DMAC2L: variants seen among roughly 807,000 people sequenced by gnomAD.
The protein encoded by DMAC2L is distal membrane arm assembly component 2 like.
Under a neutral mutation model 22.5 loss-of-function variants are expected in DMAC2L, and 21 were observed. The observed-to-expected ratio is 0.93, with a 90% confidence interval of 0.66 to 1.34. The LOEUF is 1.34. Among genes scored for constraint, DMAC2L ranks in the 40% most tolerant of loss-of-function variants. DMAC2L has a pLI of 0.00. For missense variants in DMAC2L, 239 were observed against 246.5 expected, an observed-to-expected ratio of 0.97 and a Z score of 0.20; for synonymous variants, 86 against 89.5, an observed-to-expected ratio of 0.96 and a Z score of 0.22.
upstream of DMAC2L, chr14:50,311,987 C>G: frequency 3.2e-6 from 5 of 1,549,552 alleles, no homozygotes; most frequent in Non-Finnish European, 4.3e-6. Flanking sequence ...GCGCAGGCGG[C>G]GGGGAGGACC....
intron 2 of DMAC2L, among the ~76,000 whole-genome samples, chr14:50,317,643 G>A (rs1317153698): frequency 4.6e-5 from 7 of 152,068 alleles, no homozygotes; most frequent in African/African-American, 1.2e-4. Flanking sequence ...GGTGGTGGGC[G>A]CCTGTAATCC....
At chr14:50,313,847 A>T (rs1018270132) in intron 1 of DMAC2L, among the ~76,000 whole-genome samples, 1 of 152,226 alleles carries the variant, frequency 6.6e-6, no homozygotes, top group South Asian at 2.1e-4. Flanking sequence ...GTCCATCACC[A>T]CAAGGGTCCC....
intron 1 of DMAC2L, 157 bp downstream of exon 1, chr14:50,312,546 A>G: frequency 6.6e-6 from 2 of 301,418 alleles, no homozygotes; most frequent in Admixed American, 4.9e-5. Context: ...CGTGGGAGAA[A>G]CTCTGGGCGG....
intron 2 of DMAC2L, among the ~76,000 whole-genome samples, chr14:50,320,885 C>G (rs765912990): frequency 1.1e-4 from 17 of 152,304 alleles, no homozygotes; most frequent in Non-Finnish European, 2.1e-4. Context: ...ATTTTGACAG[C>G]TGGAAATTAA....
chr14:50,316,467 C>T (rs575536552), intron 2 of DMAC2L, among the ~76,000 whole-genome samples: 6 of 152,284 alleles, frequency 3.9e-5, no homozygotes, highest in African/African-American at 1.4e-4. Flanking sequence ...AAACCCTTGC[C>T]TAAGCCAATG....
chr14:50,322,424 G>A, intron 3 of DMAC2L, 87 bp from the exon 4 acceptor site: 2 of 1,312,110 alleles, frequency 1.5e-6, no homozygotes, highest in Non-Finnish European at 2.0e-6. Context: ...AAAATTTGTT[G>A]CGTTCTGTAT....
intron 5 of DMAC2L, chr14:50,324,401 T>C (rs2032538805): frequency 5.2e-6 from 1 of 194,140 alleles, no homozygotes; most frequent in Admixed American, 6.0e-5. Flanking sequence ...TCAACGATTA[T>C]GCTTTCTCTC....
upstream of DMAC2L, chr14:50,312,039 A>G (rs1248154757): frequency 1.3e-6 from 2 of 1,582,752 alleles, no homozygotes; most frequent in Non-Finnish European, 1.7e-6. Context: ...CTACCTCCAC[A>G]CAGCGGTCTT....
intron 4 of DMAC2L, 80 bp from the exon 5 acceptor site, chr14:50,323,865 C>T (rs1172821657): frequency 7.9e-7 from 1 of 1,265,918 alleles, no homozygotes; most frequent in Non-Finnish European, 1.1e-6. Context: ...GTCCTAAAAC[C>T]AAGTCAGTCG....
chr14:50,312,412 G>T (rs372391809), intron 1 of DMAC2L, 23 bp downstream of exon 1: 1 of 531,918 alleles, frequency 1.9e-6, no homozygotes, highest in Non-Finnish European at 3.4e-6. Flanking sequence ...GCTAGGCCCC[G>T]AGCCGGGCGG....
chr14:50,324,395 C>A, intron 5 of DMAC2L: 2 of 189,850 alleles, frequency 1.1e-5, no homozygotes, highest in Non-Finnish European at 2.1e-5. Context: ...TAAGCATCAA[C>A]GATTATGCTT....
At position 50,325,612 on chromosome 14, in the gene DMAC2L, C is replaced by A; in HGVS notation, c.492C>A (p.Asn164Lys). ...KGIIALRHLR[N>K]LKYLLLSDLP... ...TGACTTTTTTCTTTATTTGCAGAAA[C>A]CTCAAATATTTGTTGTTAAGTGATC... The change falls in exon 6 of 6, where the codon AAC becomes AAA. Residue 164 changes from asparagine to lysine, a missense_variant. Asn to Lys is a moderately conservative substitution (Grantham distance 94). Transcript: ENST00000557421. 1 of 1,603,260 alleles carries A rather than the reference C, an allele frequency of 6.2e-7. No individual in the cohort carries two copies. The highest frequency in any genetic ancestry group is 8.5e-7 in the Non-Finnish European group (1 of 1,174,714).
At chr14:50,322,828 C>A in intron 4 of DMAC2L, 109 bp downstream of exon 4, 1 of 1,540,158 alleles carries the variant, frequency 6.5e-7, no homozygotes, top group South Asian at 1.2e-5. Flanking sequence ...TTGCCCATTT[C>A]ATTATAGTCA....
chr14:50,323,390 C>CTTTTT (rs10609243), intron 4 of DMAC2L, among the ~76,000 whole-genome samples: 1 of 93,330 alleles, frequency 1.1e-5, no homozygotes, highest in African/African-American at 4.3e-5. Flanking sequence ...CACCCGGCCT[C>CTTTTT]TTTTTTTTTT....
In DMAC2L at chr14:50,321,597, A is replaced by C; in HGVS notation, c.107+3A>C. On this transcript the variant is annotated splice_donor_region_variant and intron_variant, in intron 3 of 5. Coordinates refer to ENST00000557421, the MANE Select transcript of DMAC2L (RefSeq NM_001382507.1). ...TGGTTGAATGCAGTGTTTAATAAGT[A>C]AGTTACTCTAAATAAAGTGAAGAAA... 6.3e-7 allele frequency: 1 copy of C among 1,597,144 alleles called. No homozygotes were observed. Among genetic ancestry groups the C allele is most frequent in the Non-Finnish European group, 8.6e-7 (1 of 1,164,922 alleles).
chr14:50,321,299 AT>A (rs36121692), intron 2 of DMAC2L, 183 bp from the exon 3 acceptor site: 7 of 1,226,128 alleles, frequency 5.7e-6, no homozygotes, highest in African/African-American at 3.1e-5. Context: ...CCAACCCCTC[AT>A]TTTTTTGCAG....
intron 2 of DMAC2L, 21 bp from the exon 3 acceptor site, chr14:50,321,462 A>G: frequency 3.7e-6 from 6 of 1,613,154 alleles, no homozygotes; most frequent in Non-Finnish European, 4.2e-6. Context: ...ATCTAATGTA[A>G]GTACTGTTTT....
Position 50,323,940 on chromosome 14 carries a change from C to T in DMAC2L, c.317-5C>T. The T allele has an allele frequency of 6.3e-7, 1 of 1,595,934 alleles. No individual in the cohort carries two copies. Among genetic ancestry groups the T allele is most frequent in the African/African-American group, 1.4e-5 (1 of 73,894 alleles). On this transcript the variant is annotated splice_region_variant and splice_polypyrimidine_tract_variant and intron_variant, in intron 4 of 5. Transcript: ENST00000557421. ...AGATTCTTAATCTGTACTTTTTCTC[C>T]CCAGAGGGCCTAGAGCATGTTGAAA... is the stretch of plus-strand genomic sequence containing the variant.
At chr14:50,321,160 G>C (rs1431421051) in intron 2 of DMAC2L, among the ~76,000 whole-genome samples, 1 of 152,122 alleles carries the variant, frequency 6.6e-6, no homozygotes, top group South Asian at 2.1e-4. Flanking sequence ...AGAGGAGCCA[G>C]CTTCAGCAAA....
Sources: gnomAD v4.1 joint callset for allele counts (sites outside exome capture counted in the v4.1 genomes callset) on GRCh38, gnomAD v4.1.1 for gene constraint, MANE v1.5 for transcripts, NCBI Gene and HGNC (gene_info 2026-07-23, HGNC 2026-07-21) for gene names.